The following MYO1D variants were observed in gnomAD, a reference collection of about 807,000 sequenced individuals.
The protein encoded by MYO1D is myosin ID.
In MYO1D, 83 loss-of-function variants were observed where a neutral mutation model predicts 122.0. The ratio of observed to expected loss-of-function variants is 0.68; its 90% CI spans 0.57 to 0.82. The LOEUF is 0.82. Among genes scored for constraint, MYO1D ranks in the 40% least tolerant of loss-of-function variants. The pLI, the probability that MYO1D is intolerant of heterozygous loss-of-function variation, is 0.00. For synonymous variants in MYO1D, 464 were observed against 446.9 expected, an observed-to-expected ratio of 1.04 and a Z score of -0.48; for missense variants, 1,157 against 1,269.5, an observed-to-expected ratio of 0.91 and a Z score of 1.35.
chr17:32,738,971 G>GT (rs1345840584), intron 13 of MYO1D, among the ~76,000 whole-genome samples: 2 of 152,136 alleles, frequency 1.3e-5, no homozygotes, highest in Non-Finnish European at 2.9e-5. Flanking sequence ...AGCATTGGCA[G>GT]TTACAATATT....
chr17:32,806,296 C>G (rs981623899), intron 1 of MYO1D, among the ~76,000 whole-genome samples: 1 of 152,128 alleles, frequency 6.6e-6, no homozygotes, highest in African/African-American at 2.4e-5. Flanking sequence ...GTAACCTTAT[C>G]ACACCATACC....
At chr17:32,809,134 T>TA (rs371101816) in intron 1 of MYO1D, among the ~76,000 whole-genome samples, 5,716 of 134,542 alleles carry the variant, frequency 0.042, 311 homozygotes, top group African/African-American at 0.13. Context: ...TTGTTTTTGA[T>TA]AAAAAAAAAA....
chr17:32,666,818 A>C (rs2088642440), intron 16 of MYO1D, among the ~76,000 whole-genome samples: 1 of 152,240 alleles, frequency 6.6e-6, no homozygotes, highest in African/African-American at 2.4e-5. Context: ...TGAATTAGAC[A>C]TTCTCTTGGT....
intron 1 of MYO1D, among the ~76,000 whole-genome samples, chr17:32,822,129 G>A (rs1022295607): frequency 1.6e-4 from 20 of 124,136 alleles, no homozygotes; most frequent in African/African-American, 5.2e-4. Flanking sequence ...CAACCCAAAT[G>A]TCCAACAATG....
chr17:32,635,143 TC>T (rs1186864918), intron 20 of MYO1D, among the ~76,000 whole-genome samples: 1 of 152,172 alleles, frequency 6.6e-6, no homozygotes, highest in Non-Finnish European at 1.5e-5. Flanking sequence ...AAGATGAAAC[TC>T]TAATGGTTTG....
Position 32,658,062 on chromosome 17 carries a change from C to G in MYO1D, c.2345+1053G>C, listed in dbSNP as rs572397679. Among the ~76,000 whole-genome samples the G allele has an allele frequency of 2.0e-5, 3 of 152,220 alleles. No individual in the cohort carries two copies. The South Asian group carries it at 6.2e-4, about 32-fold the overall frequency. ...GATTGAAAACTAATTATTTATAGTA[C>G]TATATCTGAGAACTGAAGGTTGAGG... is the stretch of plus-strand genomic sequence containing the variant. On this transcript the variant is annotated intron_variant, in intron 17 of 21. Coordinates refer to ENST00000318217, the MANE Select transcript of MYO1D (RefSeq NM_015194.3).
intron 21 of MYO1D, among the ~76,000 whole-genome samples, chr17:32,501,699 G>A (rs1180245841): frequency 6.6e-6 from 1 of 152,214 alleles, no homozygotes; most frequent in Non-Finnish European, 1.5e-5. Flanking sequence ...GGACAGACGA[G>A]CCTCTGCTTC....
chr17:32,778,601 A>G (rs2090204239), intron 2 of MYO1D, 28 bp from the exon 3 acceptor site: 1 of 1,565,446 alleles, frequency 6.4e-7, no homozygotes. Context: ...TCAGGGCTTA[A>G]CATAATAATT....
chr17:32,683,482 G>A (rs1368209713), intron 16 of MYO1D, among the ~76,000 whole-genome samples: 1 of 152,128 alleles, frequency 6.6e-6, no homozygotes, highest in Non-Finnish European at 1.5e-5. Context: ...AGGACCCTCA[G>A]CTGCAGGTCT....
chr17:32,797,452 G>A (rs937332667), intron 1 of MYO1D, among the ~76,000 whole-genome samples: 5 of 152,152 alleles, frequency 3.3e-5, no homozygotes, highest in African/African-American at 9.7e-5. Flanking sequence ...TTCGCTTTTC[G>A]TGGTTTCAGT....
At chr17:32,616,414 T>A (rs1189901647) in intron 20 of MYO1D, among the ~76,000 whole-genome samples, 1 of 151,862 alleles carries the variant, frequency 6.6e-6, no homozygotes, top group Non-Finnish European at 1.5e-5. Context: ...GCTCAAGCAG[T>A]CCTCTGCCTC....
At chr17:32,578,955 A>G (rs2087303161) in intron 21 of MYO1D, among the ~76,000 whole-genome samples, 1 of 152,198 alleles carries the variant, frequency 6.6e-6, no homozygotes, top group Non-Finnish European at 1.5e-5. Context: ...GGTCATATCT[A>G]CATACCTTTC....
At chr17:32,547,120 A>G (rs1280642302) in intron 21 of MYO1D, among the ~76,000 whole-genome samples, 1 of 151,484 alleles carries the variant, frequency 6.6e-6, no homozygotes. Flanking sequence ...TTCCCAGGCT[A>G]GTCTCAAATT....
intron 21 of MYO1D, among the ~76,000 whole-genome samples, chr17:32,603,070 T>TA (rs3040377): frequency 0.01 from 1,521 of 148,396 alleles, 24 homozygotes; most frequent in East Asian, 0.055. Context: ...CACCAAGAAT[T>TA]AAAAAAAAAA....
chr17:32,570,010 T>C (rs532182452), intron 21 of MYO1D, among the ~76,000 whole-genome samples: 2 of 152,284 alleles, frequency 1.3e-5, no homozygotes, highest in East Asian at 3.9e-4. Flanking sequence ...TTAAGATCAT[T>C]AAATAAATCA....
intron 19 of MYO1D, among the ~76,000 whole-genome samples, chr17:32,646,356 C>T (rs554231717): frequency 6.6e-6 from 1 of 152,200 alleles, no homozygotes; most frequent in Non-Finnish European, 1.5e-5. Flanking sequence ...CTAATCCCAG[C>T]TACTTGGGAG....
intron 21 of MYO1D, among the ~76,000 whole-genome samples, chr17:32,540,434 A>T (rs886598378): frequency 1.7e-4 from 26 of 152,158 alleles, no homozygotes; most frequent in African/African-American, 6.0e-4. Flanking sequence ...CTACATAAAG[A>T]ACTCTTAGAA....
At chr17:32,717,196 CA>C (rs1348603174) in intron 15 of MYO1D, among the ~76,000 whole-genome samples, 2 of 152,204 alleles carry the variant, frequency 1.3e-5, no homozygotes, top group African/African-American at 2.4e-5. Flanking sequence ...GTATCTAGTA[CA>C]TCCAGTAAAC....
chr17:32,539,419 A>T (rs919293007), intron 21 of MYO1D, among the ~76,000 whole-genome samples: 12 of 152,198 alleles, frequency 7.9e-5, no homozygotes, highest in African/African-American at 2.9e-4. Flanking sequence ...GTAAAAAATT[A>T]CCATAAACTT....
Sources: gnomAD v4.1 joint callset for allele counts (sites outside exome capture counted in the v4.1 genomes callset) on GRCh38, gnomAD v4.1.1 for gene constraint, MANE v1.5 for transcripts, NCBI Gene and HGNC (gene_info 2026-07-23, HGNC 2026-07-21) for gene names.